Variants in AFG2A observed in about 807,000 individuals in gnomAD.
The protein encoded by AFG2A is AAA ATPase AFG2A.
At chr4:123,215,109 G>C in the AFG2A span, among the ~76,000 whole-genome samples, 1 of 152,102 alleles carries the variant, frequency 6.6e-6, no homozygotes, top group South Asian at 2.1e-4. Context: ...TGTTGATATA[G>C]AAACATTCCA....
chr4:122,929,278 G>A, the AFG2A span: 11 of 1,422,496 alleles, frequency 7.7e-6, no homozygotes, highest in Non-Finnish European at 8.3e-6. Flanking sequence ...AACCACATAT[G>A]TAATTTTGCA....
At chr4:123,017,359 CT>C in the AFG2A span, among the ~76,000 whole-genome samples, 3,163 of 74,098 alleles carry the variant, frequency 0.043, 51 homozygotes, top group African/African-American at 0.083. Context: ...CTTTTGACTT[CT>C]TTTTTTTTTT....
the AFG2A span, among the ~76,000 whole-genome samples, chr4:123,119,278 G>T: frequency 6.6e-6 from 1 of 152,130 alleles, no homozygotes; most frequent in South Asian, 2.1e-4. Flanking sequence ...CGTATTAAGT[G>T]TTTAGTAAAT....
At chr4:123,269,655 G>A in the AFG2A span, among the ~76,000 whole-genome samples, 1 of 152,124 alleles carries the variant, frequency 6.6e-6, no homozygotes, top group African/African-American at 2.4e-5. Context: ...CTTTTCCCTT[G>A]TAAGTATGAG....
chr4:122,926,569 G>A, the AFG2A span, among the ~76,000 whole-genome samples: 6 of 152,160 alleles, frequency 3.9e-5, no homozygotes, highest in Admixed American at 3.9e-4. Context: ...ACAGAATAAT[G>A]TAAATCATAT....
the AFG2A span, among the ~76,000 whole-genome samples, chr4:123,055,314 A>G: frequency 6.6e-6 from 1 of 152,190 alleles, no homozygotes; most frequent in Non-Finnish European, 1.5e-5. Context: ...GATGTGAAAT[A>G]AATCAACTGA....
the AFG2A span, among the ~76,000 whole-genome samples, chr4:122,952,221 G>A: frequency 2.0e-5 from 3 of 152,230 alleles, no homozygotes; most frequent in African/African-American, 7.2e-5. Context: ...TCCTAAAGGC[G>A]CATATGTATG....
At chr4:123,141,461 C>G in the AFG2A span, among the ~76,000 whole-genome samples, 1 of 152,056 alleles carries the variant, frequency 6.6e-6, no homozygotes, top group African/African-American at 2.4e-5. Context: ...GAGACTCGGT[C>G]TCAAAAACAA....
At chr4:123,209,404 A>G in the AFG2A span, among the ~76,000 whole-genome samples, 1 of 151,944 alleles carries the variant, frequency 6.6e-6, no homozygotes, top group Admixed American at 6.6e-5. Flanking sequence ...GTGGTATGAG[A>G]GCAGAGGGAA....
chr4:123,202,298 A>ATATTTAG, the AFG2A span, among the ~76,000 whole-genome samples: 150 of 152,198 alleles, frequency 9.9e-4, 1 homozygote, highest in Admixed American at 3.9e-4. Context: ...AGCATATACT[A>ATATTTAG]CTAATATGTG....
At chr4:123,052,104 A>T in the AFG2A span, among the ~76,000 whole-genome samples, 2 of 152,084 alleles carry the variant, frequency 1.3e-5, no homozygotes, top group African/African-American at 4.8e-5. Context: ...ATGTTGTCTC[A>T]TAGCTCCCAT....
At chr4:123,219,188 A>G in the AFG2A span, among the ~76,000 whole-genome samples, 1 of 152,224 alleles carries the variant, frequency 6.6e-6, no homozygotes, top group Admixed American at 6.5e-5. Context: ...GGCCGCTGGT[A>G]CAATTCCACA....
At chr4:123,278,497 T>G in the AFG2A span, among the ~76,000 whole-genome samples, 1 of 152,180 alleles carries the variant, frequency 6.6e-6, no homozygotes, top group Non-Finnish European at 1.5e-5. Context: ...TCTGCAACCT[T>G]TGGGATTTGT....
the AFG2A span, among the ~76,000 whole-genome samples, chr4:123,191,719 T>C: frequency 6.6e-6 from 1 of 152,138 alleles, no homozygotes; most frequent in African/African-American, 2.4e-5. Flanking sequence ...ACAGGGTTAT[T>C]TTGTGGCCTC....
chr4:123,160,431 A>G, the AFG2A span, among the ~76,000 whole-genome samples: 1 of 152,146 alleles, frequency 6.6e-6, no homozygotes, highest in Non-Finnish European at 1.5e-5. Context: ...ATCACCTAAT[A>G]CTACAATGTA....
chr4:123,258,858 CTTTTTTTT>C, the AFG2A span, among the ~76,000 whole-genome samples: 7 of 90,316 alleles, frequency 7.8e-5, no homozygotes, highest in African/African-American at 2.8e-4. Context: ...GATACTGGTA[CTTTTTTTT>C]TTTTTTTTTT....
At chr4:123,243,978 C>T in the AFG2A span, among the ~76,000 whole-genome samples, 4,863 of 152,072 alleles carry the variant, frequency 0.032, 272 homozygotes, top group African/African-American at 0.11. Context: ...GCCATGATCG[C>T]GCTACTGCAG....
chr4:123,169,422 G>A, the AFG2A span, among the ~76,000 whole-genome samples: 19 of 152,234 alleles, frequency 1.2e-4, no homozygotes, highest in Non-Finnish European at 1.8e-4. Flanking sequence ...GGATTAGTCC[G>A]ACGTATTACA....
the AFG2A span, among the ~76,000 whole-genome samples, chr4:122,939,163 G>A: frequency 1.6e-5 from 2 of 123,210 alleles, no homozygotes; most frequent in South Asian, 2.9e-4. Flanking sequence ...TCGGCTCACC[G>A]CAACCTCTGC....
Sources: allele counts gnomAD v4.1 joint callset (sites outside exome capture counted in the v4.1 genomes callset), GRCh38; gene constraint gnomAD v4.1.1; transcripts MANE v1.5; gene names NCBI Gene and HGNC (gene_info 2026-07-23, HGNC 2026-07-21).